The following TTLL6 variants were observed in gnomAD, a reference collection of about 807,000 sequenced individuals.
TTLL6 encodes tubulin polyglutamylase TTLL6.
In TTLL6, 75 loss-of-function variants were observed where a neutral mutation model predicts 96.4. The ratio of observed to expected loss-of-function variants is 0.78; its 90% CI spans 0.65 to 0.94. The LOEUF (loss-of-function observed/expected upper bound fraction) is 0.94, where lower values mean the gene tolerates loss of function less well. Ranked by LOEUF, TTLL6 falls within the 40% of genes least tolerant of loss-of-function variation. TTLL6 has a pLI of 0.00. For synonymous variants in TTLL6, 411 were observed against 419.4 expected (o/e 0.98, Z 0.24); for missense variants, 1,030 against 1,093.0 (o/e 0.94, Z 0.81).
intron 2 of TTLL6, 177 bp downstream of exon 2, chr17:48,804,595 A>G: frequency 1.5e-6 from 1 of 669,780 alleles, no homozygotes; most frequent in South Asian, 1.6e-5. Flanking sequence ...ATTTGATTCT[A>G]TAAAACAGAT....
At chr17:48,800,781 C>T (rs549853620) in intron 5 of TTLL6, among the ~76,000 whole-genome samples, 2 of 152,256 alleles carry the variant, frequency 1.3e-5, no homozygotes, top group Admixed American at 6.5e-5. Context: ...ACACCAGGAA[C>T]TGATGTTGTT....
intron 13 of TTLL6, among the ~76,000 whole-genome samples, chr17:48,776,373 A>C (rs951898716): frequency 3.3e-5 from 5 of 152,208 alleles, no homozygotes; most frequent in Admixed American, 1.3e-4. Context: ...AGGCAGGGGA[A>C]TCACTTGAAC....
chr17:48,811,857 C>A (rs1180995998), intron 1 of TTLL6, among the ~76,000 whole-genome samples: 1 of 151,982 alleles, frequency 6.6e-6, no homozygotes, highest in Non-Finnish European at 1.5e-5. Context: ...GTCACCATGC[C>A]GGCCTAATTA....
At chr17:48,793,943 C>T (rs1043654101) in intron 8 of TTLL6, among the ~76,000 whole-genome samples, 10 of 152,088 alleles carry the variant, frequency 6.6e-5, no homozygotes, top group African/African-American at 2.2e-4. Context: ...TGGAGTGCTG[C>T]GGTGGAGGCA....
rs1230142102 is a variant in TTLL6 at position 48,804,801 on chromosome 17, C to T, written c.294G>A (p.Gln98=). The part of the protein sequence containing the change: ...GAQNGLQNAQ[Q]QGKKKRKKKR... ...TTTTCTTCCTCTTCTTCTTGCCTTG[C>T]TGCTGGGCATTCTGAAGTCCGTTTT... The change falls in exon 2 of 16, where the codon CAG becomes CAA. Residue 98 remains glutamine, a synonymous_variant. Transcript: ENST00000393382. 1.3e-6 allele frequency: 2 copies of T among 1,552,352 alleles called. No individual in the cohort carries two copies. The highest frequency in any genetic ancestry group is 1.7e-4 in the Middle Eastern group (1 of 5,998).
chr17:48,816,506 A>C (rs1474346496), intron 1 of TTLL6, among the ~76,000 whole-genome samples: 3 of 152,170 alleles, frequency 2.0e-5, no homozygotes, highest in Non-Finnish European at 4.4e-5. Context: ...AACAACTGGA[A>C]ATGAAAGAAC....
intron 7 of TTLL6, among the ~76,000 whole-genome samples, chr17:48,796,736 G>A (rs181684385): frequency 7.2e-4 from 109 of 152,140 alleles, no homozygotes; most frequent in African/African-American, 2.4e-3. Context: ...GCTCATCCAC[G>A]GCCTTTTCTC....
At chr17:48,799,800 G>A (rs746096022) in intron 5 of TTLL6, 40 bp from the exon 6 acceptor site, 2 of 1,531,184 alleles carry the variant, frequency 1.3e-6, no homozygotes, top group Admixed American at 2.0e-5. Context: ...TCTTTAGCTG[G>A]GGAGCAATGA....
intron 13 of TTLL6, among the ~76,000 whole-genome samples, chr17:48,778,320 A>AGAGG (rs1396615218): frequency 2.9e-5 from 4 of 137,166 alleles, no homozygotes; most frequent in African/African-American, 8.3e-5. Flanking sequence ...AAAGAAAGAG[A>AGAGG]GAGGGAGGGA....
At chr17:48,783,698 T>C (rs2039033727) in intron 13 of TTLL6, among the ~76,000 whole-genome samples, 2 of 152,234 alleles carry the variant, frequency 1.3e-5, no homozygotes, top group African/African-American at 4.8e-5. Flanking sequence ...CCCAAAGTGC[T>C]GGGATAACAG....
At chr17:48,804,702 A>G (rs958424739) in intron 2 of TTLL6, 70 bp downstream of exon 2, 106 of 1,141,458 alleles carry the variant, frequency 9.3e-5, no homozygotes, top group Middle Eastern at 1.9e-4. Context: ...ATCAGCCAAG[A>G]CCCCCTTCCC....
At chr17:48,782,091 A>G (rs1343321521) in intron 13 of TTLL6, among the ~76,000 whole-genome samples, 1 of 148,628 alleles carries the variant, frequency 6.7e-6, no homozygotes, top group East Asian at 2.0e-4. Context: ...GTAAATATAT[A>G]TACTTTTTCT....
intron 13 of TTLL6, among the ~76,000 whole-genome samples, chr17:48,778,512 G>T (rs2038924754): frequency 6.6e-6 from 1 of 151,496 alleles, no homozygotes; most frequent in Admixed American, 6.6e-5. Context: ...ACCCAAAAAG[G>T]AGGCCAGGCA....
chr17:48,793,102 G>A (rs2039255976), intron 8 of TTLL6, among the ~76,000 whole-genome samples: 2 of 152,288 alleles, frequency 1.3e-5, no homozygotes, highest in African/African-American at 4.8e-5. Context: ...CTCCTTCACT[G>A]TGACCGCAGC....
chr17:48,794,860 A>G (rs1186191984), intron 8 of TTLL6, among the ~76,000 whole-genome samples: 1 of 152,146 alleles, frequency 6.6e-6, no homozygotes, highest in Non-Finnish European at 1.5e-5. Context: ...TCTGGGGTCT[A>G]ACAGACCTCG....
chr17:48,817,178 C>A lies in TTLL6; in HGVS notation c.-106G>T, dbSNP rs2039680303. The A allele has an allele frequency of 2.9e-6, 2 of 685,944 alleles. No individual in the cohort carries two copies. Among genetic ancestry groups the A allele is most frequent in the Non-Finnish European group, 4.6e-6 (2 of 439,388 alleles). 42.5% of individuals were successfully genotyped at this position (685,944 alleles called of 1,614,324 possible). ...CTTCTAGGCCTTCGATTGGCCCCTG[C>A]AGTAGCTGCCATGCCCCCTCCCTCC... On this transcript the variant is annotated 5_prime_UTR_variant, in exon 1 of 16. Transcript: ENST00000393382.
At position 48,790,029 on chromosome 17, in the gene TTLL6, T is replaced by G; in HGVS notation, c.1302A>C (p.Leu434Phe). Reference protein sequence around the residue: ...EVKDGLLYDTLVLINLESCDK... With the variant: ...EVKDGLLYDTFVLINLESCDK... ...CACAGCTTTCCAGGTTGATCAGGAC[T>G]AAGGTGTCATACAGCAGACCATCTT... Residue 434 changes from leucine (L) to phenylalanine (F), a missense_variant, in exon 10 of 16, where the codon TTA (leucine) becomes TTC (phenylalanine). Leu to Phe is a conservative substitution (Grantham distance 22). Transcript: ENST00000393382. 1 of 1,614,174 alleles carries G rather than the reference T, an allele frequency of 6.2e-7. No homozygotes were observed.
intron 15 of TTLL6, among the ~76,000 whole-genome samples, chr17:48,763,853 T>C (rs1215311535): frequency 1.3e-5 from 2 of 151,532 alleles, no homozygotes; most frequent in Non-Finnish European, 2.9e-5. Flanking sequence ...AAAAGTTAGC[T>C]AGCGGGAGGC....
intron 1 of TTLL6, among the ~76,000 whole-genome samples, chr17:48,815,030 A>T (rs749600309): frequency 3.9e-5 from 6 of 152,136 alleles, no homozygotes; most frequent in Non-Finnish European, 7.4e-5. Context: ...AGCCCACCTC[A>T]GCCTCCCAAA....
Sources: allele counts gnomAD v4.1 joint callset (sites outside exome capture counted in the v4.1 genomes callset), GRCh38; gene constraint gnomAD v4.1.1; transcripts MANE v1.5; gene names NCBI Gene and HGNC (gene_info 2026-07-23, HGNC 2026-07-21).